Variants in FGFR3 observed in about 807,000 individuals in gnomAD.
FGFR3 encodes fibroblast growth factor receptor 3.
Under a neutral mutation model 82.9 loss-of-function variants are expected in FGFR3, and 25 were observed. The ratio of observed to expected loss-of-function variants is 0.30; its 90% CI spans 0.22 to 0.42. FGFR3 has a LOEUF of 0.42. FGFR3 is among the 10% of genes least tolerant of loss of function. The pLI is 1.00. For synonymous variants in FGFR3, 620 were observed against 516.0 expected (o/e 1.20, Z -2.73); for missense variants, 1,026 against 1,161.0 (o/e 0.88, Z 1.69).
In FGFR3 at chr4:1,806,937, G is replaced by A. The variant is rs1406174380; in HGVS notation, c.2274+3G>A. 1.4e-5 allele frequency: 23 copies of A among 1,599,178 alleles called. No individual in the cohort carries two copies. Among genetic ancestry groups the A allele is most frequent in the Non-Finnish European group, 1.9e-5 (22 of 1,173,250 alleles). On this transcript the variant is annotated splice_donor_region_variant and intron_variant, in intron 17 of 17. Coordinates refer to ENST00000440486, the MANE Select transcript of FGFR3 (RefSeq NM_000142.5). ...TCCTTACCGTGACGTCCACCGACGT[G>A]AGTGCTGGCTCTGGCCTGGTGCCAC...
chr4:1,803,912 A>G (rs965961602), intron 8 of FGFR3, 76 bp downstream of exon 8: 11 of 1,464,690 alleles, frequency 7.5e-6, no homozygotes, highest in Non-Finnish European at 1.0e-5. Context: ...AGCTGCCAGG[A>G]CGGACGGGAA....
At chr4:1,805,326 A>T (rs3135894) in intron 10 of FGFR3, 29 bp from the exon 11 acceptor site, 2 of 1,608,624 alleles carry the variant, frequency 1.2e-6, no homozygotes, top group East Asian at 4.5e-5. Flanking sequence ...GAGTTTGCAC[A>T]CTCATGGTCC....
intron 11 of FGFR3, 28 bp downstream of exon 11, chr4:1,805,504 A>T (rs774785752): frequency 1.2e-6 from 2 of 1,612,410 alleles, no homozygotes; most frequent in African/African-American, 1.3e-5. Flanking sequence ...AGGGGTGCAG[A>T]GCAGGGCTGG....
chr4:1,807,642 G>C lies in FGFR3; in HGVS notation c.*380G>C, dbSNP rs751169261. 10 of 639,282 alleles carry C rather than the reference G, an allele frequency of 1.6e-5. No homozygotes were observed. The highest frequency in any genetic ancestry group is 3.0e-5 in the Non-Finnish European group (10 of 336,794). 39.6% of individuals were successfully genotyped at this position (639,282 alleles called of 1,614,324 possible). ...GCTCCGGCCTCTGCCTTTGCACCAC[G>C]GGACATCACAGGGTGGGCCTCGGCC... On this transcript the variant is annotated 3_prime_UTR_variant, in exon 18 of 18. Transcript: ENST00000440486.
chr4:1,795,101 T>A (rs1056774922), intron 2 of FGFR3, among the ~76,000 whole-genome samples: 6 of 151,062 alleles, frequency 4.0e-5, no homozygotes, highest in Non-Finnish European at 5.9e-5. Flanking sequence ...GGCTGCAGCC[T>A]CCCGGAACAA....
intron 7 of FGFR3, 145 bp downstream of exon 7, chr4:1,802,170 A>T: frequency 2.3e-6 from 2 of 875,242 alleles, no homozygotes; most frequent in East Asian, 5.3e-5. Context: ...TGTGGGGCCA[A>T]GTCTCAGCCA....
Position 1,808,692 on chromosome 4 carries a change from G to A in FGFR3, c.*1430G>A. 1 of 232,506 alleles carries A rather than the reference G, an allele frequency of 4.3e-6. No homozygotes were observed. Among genetic ancestry groups the A allele is most frequent in the East Asian group, 6.1e-5 (1 of 16,494 alleles). The allele number at this position is 232,506 out of a possible 1,614,324, so 14.4% of individuals were successfully genotyped here. A position where few individuals can be genotyped will look rare whatever the true frequency, so the allele number is the denominator to read the frequency against. Reference sequence around the variant, plus strand: ...GAATTCAGTTGGTTCGTTCTGTACTGTTACTGGGCCCTGAGTCTGGGCAGC... The same window carrying A: ...GAATTCAGTTGGTTCGTTCTGTACTATTACTGGGCCCTGAGTCTGGGCAGC... On this transcript the variant is annotated 3_prime_UTR_variant, in exon 18 of 18. Coordinates refer to ENST00000440486, the MANE Select transcript of FGFR3 (RefSeq NM_000142.5).
chr4:1,806,825 G>C lies in FGFR3; in HGVS notation c.2169-4G>C, dbSNP rs758292253. ...GGGCTCACTCCTGAGCGCCCTGCCC[G>C]CAGGTACATGATCATGCGGGAGTGC... On this transcript the variant is annotated splice_region_variant and splice_polypyrimidine_tract_variant and intron_variant, in intron 16 of 17. Coordinates refer to ENST00000440486, the MANE Select transcript of FGFR3 (RefSeq NM_000142.5). 3.1e-6 allele frequency: 5 copies of C among 1,601,676 alleles called. No individual in the cohort carries two copies. Among genetic ancestry groups the C allele is most frequent in the African/African-American group, 1.3e-5 (1 of 74,660 alleles).
In FGFR3 at chr4:1,807,214, C is replaced by T. The variant is rs576131994; in HGVS notation, c.2373C>T (p.His791=). 36 of 1,608,388 alleles carry T rather than the reference C, an allele frequency of 2.2e-5. No homozygotes were observed. Among genetic ancestry groups the T allele is most frequent in the Non-Finnish European group, 2.7e-5 (32 of 1,178,326 alleles). Residue 791 remains histidine (H), a synonymous_variant, in exon 18 of 18, where the codon CAC becomes CAT. Coordinates refer to ENST00000440486, the MANE Select transcript of FGFR3 (RefSeq NM_000142.5). Reference sequence around the variant, plus strand: ...CAGGGGACGACTCCGTGTTTGCCCACGACCTGCTGCCCCCGGCCCCACCCA... The same window carrying T: ...CAGGGGACGACTCCGTGTTTGCCCATGACCTGCTGCCCCCGGCCCCACCCA... ...SSSGDDSVFA[H]DLLPPAPPSS...
Position 1,803,651 on chromosome 4 carries a change from C to T in FGFR3, c.931-41C>T, listed in dbSNP as rs777596175. On this transcript the variant is annotated intron_variant, in intron 7 of 17. Coordinates refer to ENST00000440486, the MANE Select transcript of FGFR3 (RefSeq NM_000142.5). ...TGGACTCTGTGCGGTGCCCGCAGGG[C>T]GGTGCTGGCGCTCGCCTATCGCTCT... The T allele has an allele frequency of 6.2e-6, 10 of 1,604,962 alleles. No homozygotes were observed. In the South Asian group the frequency reaches 6.7e-5, roughly 11 times the overall value.
At chr4:1,795,400 C>A (rs1057165781) in intron 2 of FGFR3, among the ~76,000 whole-genome samples, 1 of 151,830 alleles carries the variant, frequency 6.6e-6, no homozygotes, top group African/African-American at 2.4e-5. Flanking sequence ...GGGCCTCCCC[C>A]AGTCGCTCCT....
intron 7 of FGFR3, among the ~76,000 whole-genome samples, chr4:1,802,739 C>T (rs549591971): frequency 1.1e-3 from 167 of 152,316 alleles, no homozygotes; most frequent in Admixed American, 2.5e-3. Context: ...GAGGCAGAGA[C>T]GTGCATCCTG....
chr4:1,803,396 C>G (rs1389566149), intron 7 of FGFR3, among the ~76,000 whole-genome samples: 2 of 152,250 alleles, frequency 1.3e-5, no homozygotes, highest in Admixed American at 1.3e-4. Flanking sequence ...CTGTGTGTCC[C>G]TGTGTCCATC....
chr4:1,803,531 G>A lies in FGFR3; in HGVS notation c.931-161G>A, dbSNP rs560726628. Among the ~76,000 whole-genome samples, 180 of 152,378 alleles carry A rather than the reference G, an allele frequency of 1.2e-3. 2 individuals carry two copies. The highest frequency in any genetic ancestry group is 4.3e-3 in the African/African-American group (178 of 41,598). ...CGGGCTCAGTACCGGTGTACCAGGC[G>A]GAGGGCCCTCAGCCGCGTGGCGGTG... On this transcript the variant is annotated intron_variant, in intron 7 of 17. Transcript: ENST00000440486.
Position 1,807,391 on chromosome 4 carries a change from G to C in FGFR3, c.*129G>C. 1 of 1,091,404 alleles carries C rather than the reference G, an allele frequency of 9.2e-7. No individual in the cohort carries two copies. Among genetic ancestry groups the C allele is most frequent in the Non-Finnish European group, 1.2e-6 (1 of 804,568 alleles). The allele number at this position is 1,091,404 out of a possible 1,614,324, so 67.6% of individuals were successfully genotyped here. ...CTACACAGAGCTTTGGTCTGTGTGT[G>C]TGTGTGTGCGTGTGTGTGTGTGTGT... On this transcript the variant is annotated 3_prime_UTR_variant, in exon 18 of 18. Coordinates refer to ENST00000440486, the MANE Select transcript of FGFR3 (RefSeq NM_000142.5).
intron 2 of FGFR3, among the ~76,000 whole-genome samples, chr4:1,798,463 C>T (rs1237280597): frequency 6.6e-6 from 1 of 151,842 alleles, no homozygotes; most frequent in African/African-American, 2.4e-5. Context: ...GGTATGTTTT[C>T]CGTCATGACC....
chr4:1,799,619 C>A, intron 3 of FGFR3, 96 bp downstream of exon 3: 1 of 1,549,494 alleles, frequency 6.5e-7, no homozygotes, highest in South Asian at 1.2e-5. Flanking sequence ...TCTCTCTGGT[C>A]ATTGGTGGAG....
rs989384724 is a variant in FGFR3, at chr4:1,808,492, C to A, written c.*1230C>A. 1 of 231,768 alleles carries A rather than the reference C, an allele frequency of 4.3e-6. No homozygotes were observed. Among genetic ancestry groups the A allele is most frequent in the African/African-American group, 2.2e-5 (1 of 45,138 alleles). The allele number at this position is 231,768 out of a possible 1,614,324, so 14.4% of individuals were successfully genotyped here. ...AGGGAGACGGTTTCCAGGGAGGGGC[C>A]GGCCCTGTGTGCAGGTTCCGATGTT... On this transcript the variant is annotated 3_prime_UTR_variant, in exon 18 of 18. Coordinates refer to ENST00000440486, the MANE Select transcript of FGFR3 (RefSeq NM_000142.5).
rs768739746 is a variant in FGFR3, at chr4:1,803,774, C to G, written c.1013C>G (p.Thr338Ser). 1 of 1,614,096 alleles carries G rather than the reference C, an allele frequency of 6.2e-7. No individual in the cohort carries two copies. Among genetic ancestry groups the G allele is most frequent in the South Asian group, 1.1e-5 (1 of 91,084 alleles). ...NVTFEDAGEY[T>S]CLAGNSIGFS... is the part of the protein sequence containing the mutation. The stretch of plus-strand genomic sequence containing the variant: ...ACCTTTGAGGACGCCGGGGAGTACA[C>G]CTGCCTGGCGGGCAATTCTATTGGG... The change falls in exon 8 of 18, where the codon ACC (threonine) becomes AGC (serine). Residue 338 changes from threonine (T) to serine (S), a missense_variant. Thr to Ser is a moderately conservative substitution (Grantham distance 58). Transcript: ENST00000440486.
Sources: allele counts gnomAD v4.1 joint callset (sites outside exome capture counted in the v4.1 genomes callset), GRCh38; gene constraint gnomAD v4.1.1; transcripts MANE v1.5; gene names NCBI Gene and HGNC (gene_info 2026-07-23, HGNC 2026-07-21).